Variants in RBBP8 observed in about 807,000 individuals in gnomAD.
RBBP8 encodes the protein DNA endonuclease RBBP8.
RBBP8 carries 88 observed loss-of-function variants against 108.3 expected under a neutral mutation model. That is an observed-to-expected ratio of 0.81 (90% confidence interval 0.68 to 0.97). The LOEUF (loss-of-function observed/expected upper bound fraction) is 0.97. Among genes scored for constraint, RBBP8 ranks in the 50% least tolerant of loss-of-function variants. RBBP8 has a pLI of 0.00. For missense variants in RBBP8, 1,023 were observed against 1,049.0 expected (o/e 0.98, Z 0.34); for synonymous variants, 332 against 348.2 (o/e 0.95, Z 0.52).
At chr18:23,012,612 G>A (rs1162249329) in intron 16 of RBBP8, among the ~76,000 whole-genome samples, 1 of 152,200 alleles carries the variant, frequency 6.6e-6, no homozygotes, top group Non-Finnish European at 1.5e-5. Flanking sequence ...TTTGAAACTA[G>A]CAGAGGTTGG....
intron 16 of RBBP8, among the ~76,000 whole-genome samples, chr18:23,016,166 A>G (rs2046251980): frequency 6.6e-6 from 1 of 152,036 alleles, no homozygotes; most frequent in African/African-American, 2.4e-5. Context: ...GCGCCCATCC[A>G]GCTTTGTTCT....
chr18:23,020,858 C>G (rs1386555163), intron 17 of RBBP8, among the ~76,000 whole-genome samples: 1 of 152,166 alleles, frequency 6.6e-6, no homozygotes, highest in Non-Finnish European at 1.5e-5. Flanking sequence ...TCTCTAAGGT[C>G]ATCTCATCTC....
At chr18:22,925,210 A>T (rs1221533600) in intron 3 of RBBP8, among the ~76,000 whole-genome samples, 1 of 152,204 alleles carries the variant, frequency 6.6e-6, no homozygotes, top group African/African-American at 2.4e-5. Context: ...TAAATAGTCC[A>T]CAAAAACAAA....
intron 17 of RBBP8, among the ~76,000 whole-genome samples, chr18:23,020,838 A>G (rs1321735729): frequency 6.6e-6 from 1 of 152,134 alleles, no homozygotes; most frequent in Non-Finnish European, 1.5e-5. Context: ...TTTTTCCAAT[A>G]AGCCCTGATT....
chr18:23,012,333 T>C (rs2046183288), intron 16 of RBBP8, among the ~76,000 whole-genome samples: 1 of 151,942 alleles, frequency 6.6e-6, no homozygotes, highest in African/African-American at 2.4e-5. Context: ...GAGGAAGATA[T>C]TTCAAAAGCC....
At chr18:22,991,921 T>C (rs1396381478) in intron 10 of RBBP8, among the ~76,000 whole-genome samples, 1 of 152,194 alleles carries the variant, frequency 6.6e-6, no homozygotes, top group Non-Finnish European at 1.5e-5. Flanking sequence ...TTAAAGTAGA[T>C]TTTGTTACCC....
At chr18:22,980,965 C>CT (rs1167377654) in intron 6 of RBBP8, among the ~76,000 whole-genome samples, 833 of 69,374 alleles carry the variant, frequency 0.012, 142 homozygotes, top group African/African-American at 0.036. Context: ...CCACTTATGT[C>CT]TTTTTTTTTT....
intron 5 of RBBP8, among the ~76,000 whole-genome samples, chr18:22,974,451 T>C (rs1211417744): frequency 6.6e-6 from 1 of 152,052 alleles, no homozygotes; most frequent in Non-Finnish European, 1.5e-5. Flanking sequence ...ATATTCAGCG[T>C]TTTTGGTGTT....
chr18:22,999,302 G>A (rs532311326), intron 14 of RBBP8, among the ~76,000 whole-genome samples: 1 of 152,242 alleles, frequency 6.6e-6, no homozygotes, highest in East Asian at 1.9e-4. Context: ...TTCTGTTTCA[G>A]GGTCTCATGC....
chr18:22,941,099 T>C (rs1911047733), intron 2 of RBBP8, among the ~76,000 whole-genome samples: 1 of 152,110 alleles, frequency 6.6e-6, no homozygotes, highest in South Asian at 2.1e-4. Flanking sequence ...TCATTGTTAG[T>C]GTATAGAAAT....
chr18:22,997,863 T>A, intron 14 of RBBP8, 129 bp downstream of exon 14: 1 of 712,866 alleles, frequency 1.4e-6, no homozygotes, highest in Non-Finnish European at 2.5e-6. Flanking sequence ...CTGTTAACTT[T>A]ATGTTCCTCT....
At chr18:22,914,424 T>C (rs1479138714) in intron 1 of RBBP8, 1 of 152,234 alleles carries the variant, frequency 6.6e-6, no homozygotes, top group Non-Finnish European at 1.5e-5. Flanking sequence ...ATACCTTTTC[T>C]GTAAAGCTAG....
At chr18:22,985,571 G>A (rs1356343572) in intron 8 of RBBP8, among the ~76,000 whole-genome samples, 1 of 152,124 alleles carries the variant, frequency 6.6e-6, no homozygotes, top group Non-Finnish European at 1.5e-5. Context: ...TGTGGCTGGA[G>A]CAGAGTGAGT....
At chr18:22,960,348 T>C (rs759812734) in intron 4 of RBBP8, among the ~76,000 whole-genome samples, 1 of 152,166 alleles carries the variant, frequency 6.6e-6, no homozygotes, top group Non-Finnish European at 1.5e-5. Flanking sequence ...CCCAAAAGTT[T>C]GAGACCAGCC....
chr18:23,006,344 G>C lies in RBBP8; in HGVS notation c.2288-19G>C, dbSNP rs368349434. ...TTAAGTTCTACATTTAGTTTGTAAT[G>C]TGCATGTTTTATTTATAGCTCATGG... is the stretch of plus-strand genomic sequence containing the variant. On this transcript the variant is annotated intron_variant, in intron 15 of 18. Transcript: ENST00000327155. 3.8e-4 allele frequency: 609 copies of C among 1,599,246 alleles called. No individual in the cohort carries two copies. Among genetic ancestry groups the C allele is most frequent in the Non-Finnish European group, 4.7e-4 (544 of 1,167,054 alleles).
chr18:22,966,573 A>AT (rs200015285), intron 4 of RBBP8, among the ~76,000 whole-genome samples: 1,417 of 27,610 alleles, frequency 0.051, 26 homozygotes, highest in African/African-American at 0.13. Context: ...ACCCCATCTC[A>AT]TTAAAAAAAA....
intron 16 of RBBP8, among the ~76,000 whole-genome samples, chr18:23,013,888 A>G (rs1046882758): frequency 5.9e-5 from 9 of 152,192 alleles, no homozygotes; most frequent in African/African-American, 2.2e-4. Flanking sequence ...GCTAGGTCAG[A>G]TTTTTTCCAC....
At position 22,968,854 on chromosome 18, in the gene RBBP8, G is replaced by A. The variant is rs374590098; in HGVS notation, c.297G>A (p.Met99Ile). Residue 99 changes from methionine to isoleucine, a missense_variant, in exon 5 of 19, where the codon ATG becomes ATA. Met to Ile is a conservative substitution (Grantham distance 10, BLOSUM62 1). Coordinates refer to ENST00000327155, the MANE Select transcript of RBBP8 (RefSeq NM_002894.3). ...CDRCAVTEEH[M>I]RKKQQEFENI... is the part of the protein sequence containing the mutation. Reference sequence around the variant, plus strand: ...GCTGTGCAGTAACTGAAGAACATATGCGGAAAAAACAGCAAGAGTTTGAAA... The same window carrying A: ...GCTGTGCAGTAACTGAAGAACATATACGGAAAAAACAGCAAGAGTTTGAAA... 6.2e-7 allele frequency: 1 copy of A among 1,613,564 alleles called. No homozygotes were observed. Among genetic ancestry groups the A allele is most frequent in the Admixed American group, 1.7e-5 (1 of 60,014 alleles).
At chr18:22,939,789 T>C (rs1172169962) in intron 2 of RBBP8, among the ~76,000 whole-genome samples, 2 of 152,216 alleles carry the variant, frequency 1.3e-5, no homozygotes, top group African/African-American at 2.4e-5. Flanking sequence ...GTATACTATG[T>C]TATTATCTGA....
Sources: allele counts gnomAD v4.1 joint callset (sites outside exome capture counted in the v4.1 genomes callset), GRCh38; gene constraint gnomAD v4.1.1; transcripts MANE v1.5; gene names NCBI Gene and HGNC (gene_info 2026-07-23, HGNC 2026-07-21).